EVC2: variants seen among roughly 807,000 people sequenced by gnomAD.
EVC2 encodes limbin.
A neutral mutation model predicts 149.3 loss-of-function variants in EVC2; 148 were observed. That is an observed-to-expected ratio of 0.99 (90% CI 0.87 to 1.14). The LOEUF is 1.14. Among genes scored for constraint, EVC2 ranks in the 50% most tolerant of loss-of-function variants. The probability of loss-of-function intolerance (pLI) is 0.00; values close to 1 mark genes in which losing one functional copy is unlikely to be tolerated. For synonymous variants in EVC2, 776 were observed against 649.9 expected, an observed-to-expected ratio of 1.19 and a Z score of -2.95; for missense variants, 1,854 against 1,627.3, an observed-to-expected ratio of 1.14 and a Z score of -2.40.
chr4:5,634,073 G>A (rs1716733744), intron 10 of EVC2, among the ~76,000 whole-genome samples: 1 of 152,248 alleles, frequency 6.6e-6, no homozygotes, highest in Non-Finnish European at 1.5e-5. Context: ...GTGGATGACA[G>A]CAGGGGCCAT....
intron 1 of EVC2, among the ~76,000 whole-genome samples, chr4:5,704,080 C>G (rs971833793): frequency 5.3e-5 from 8 of 152,046 alleles, no homozygotes; most frequent in Admixed American, 2.0e-4. Flanking sequence ...GGGAAGCCAC[C>G]GTGAGCTACT....
chr4:5,553,460 G>A (rs1044006272), intron 21 of EVC2, among the ~76,000 whole-genome samples: 1 of 152,104 alleles, frequency 6.6e-6, no homozygotes, highest in African/African-American at 2.4e-5. Flanking sequence ...TTAATAGTGG[G>A]AATACATGAA....
At chr4:5,600,897 G>A (rs929312580) in intron 16 of EVC2, among the ~76,000 whole-genome samples, 2 of 152,184 alleles carry the variant, frequency 1.3e-5, no homozygotes, top group African/African-American at 4.8e-5. Flanking sequence ...AAAAGTCTCT[G>A]AATTTAGGGA....
chr4:5,597,160 CT>C (rs1190686326), intron 16 of EVC2, among the ~76,000 whole-genome samples: 2 of 152,154 alleles, frequency 1.3e-5, no homozygotes, highest in East Asian at 1.9e-4. Context: ...GGTACCATTC[CT>C]TTCTGAAACT....
chr4:5,689,103 T>A, intron 5 of EVC2, 54 bp downstream of exon 5: 1 of 1,592,622 alleles, frequency 6.3e-7, no homozygotes, highest in African/African-American at 1.3e-5. Flanking sequence ...CACCTGGAAG[T>A]ATCTGTACAT....
In EVC2 at chr4:5,639,244, G is replaced by A. The variant is rs1183562384; in HGVS notation, c.1470+1270C>T. Among the ~76,000 whole-genome samples, 4 of 152,210 alleles carry A rather than the reference G, an allele frequency of 2.6e-5. No homozygotes were observed. In the South Asian group the frequency reaches 6.2e-4, roughly 24 times the overall value. ...GAGTTCAGAAGCTTGTTCTTAAGTAGTTGGAAGCCCTCCCTAGGGGAGTAG... is the reference window on the plus strand; with the variant it reads ...GAGTTCAGAAGCTTGTTCTTAAGTAATTGGAAGCCCTCCCTAGGGGAGTAG... On this transcript the variant is annotated intron_variant, in intron 10 of 21. Coordinates refer to ENST00000344408, the MANE Select transcript of EVC2 (RefSeq NM_147127.5).
intron 3 of EVC2, among the ~76,000 whole-genome samples, chr4:5,691,581 C>A (rs1460994416): frequency 6.6e-6 from 1 of 152,218 alleles, no homozygotes; most frequent in African/African-American, 2.4e-5. Context: ...GTGTGGGACA[C>A]CTGTTGTCAC....
chr4:5,685,849 G>C (rs1319418356), intron 5 of EVC2, among the ~76,000 whole-genome samples: 5 of 152,174 alleles, frequency 3.3e-5, no homozygotes, highest in Admixed American at 1.3e-4. Flanking sequence ...TCCTGCTCGG[G>C]AGAGGCTGTA....
rs1303798110 is a variant in EVC2, at chr4:5,613,454, C to T, written c.2829+1968G>A. On this transcript the variant is annotated intron_variant, in intron 16 of 21. Transcript: ENST00000344408. This position sits in a 1 kb window ranked among gnomAD's most constrained non-coding sequence, Gnocchi z 4.6. ...CTCAGGGAAATGCTCCCTCTACCCC[C>T]GAGTATGGCTACTTCCTCCCTGTGC... 2.6e-5 allele frequency among the ~76,000 whole-genome samples: 4 copies of T among 152,202 alleles called. No homozygotes were observed. Among genetic ancestry groups the T allele is most frequent in the Admixed American group, 6.5e-5 (1 of 15,282 alleles).
intron 16 of EVC2, among the ~76,000 whole-genome samples, chr4:5,608,832 T>C (rs1714602972): frequency 6.6e-6 from 1 of 152,154 alleles, no homozygotes; most frequent in South Asian, 2.1e-4. Context: ...GGTGCCAGCC[T>C]GGAAGAGATG....
chr4:5,544,031 C>A (rs1174764589), intron 21 of EVC2, among the ~76,000 whole-genome samples: 1 of 152,162 alleles, frequency 6.6e-6, no homozygotes, highest in South Asian at 2.1e-4. Context: ...AAATTGTGCA[C>A]CTCCAGGTGC....
intron 9 of EVC2, among the ~76,000 whole-genome samples, chr4:5,651,626 C>A (rs1301526110): frequency 6.6e-6 from 1 of 152,202 alleles, no homozygotes; most frequent in African/African-American, 2.4e-5. Flanking sequence ...TAGGAAAGAA[C>A]TGTAGCATGG....
At chr4:5,683,103 A>G (rs867868815) in intron 6 of EVC2, among the ~76,000 whole-genome samples, 4 of 152,256 alleles carry the variant, frequency 2.6e-5, no homozygotes, top group African/African-American at 9.6e-5. Flanking sequence ...GGCTTCAGCG[A>G]AAATCAAAAT....
At position 5,697,042 on chromosome 4, in the gene EVC2, C is replaced by G. The variant is rs996522630; in HGVS notation, c.283+551G>C. ...AGAAGGCCAAGTAACTACTGAGGCA[C>G]GATGCCATGCTGCTAGCTTCCAAAA... On this transcript the variant is annotated intron_variant, in intron 2 of 21. Coordinates refer to ENST00000344408, the MANE Select transcript of EVC2 (RefSeq NM_147127.5). Among the ~76,000 whole-genome samples the G allele has an allele frequency of 2.0e-5, 3 of 152,150 alleles. 1 individual carries two copies. The highest frequency in any genetic ancestry group is 4.4e-5 in the Non-Finnish European group (3 of 68,030).
rs192636633 is a variant in EVC2 at position 5,574,169 on chromosome 4, C to T, written c.3360+516G>A. Among the ~76,000 whole-genome samples the T allele has an allele frequency of 5.2e-3, 786 of 152,346 alleles. 7 individuals are homozygous for T. Among genetic ancestry groups the T allele is most frequent in the African/African-American group, 0.018 (742 of 41,576 alleles). On this transcript the variant is annotated intron_variant, in intron 19 of 21. Coordinates refer to ENST00000344408, the MANE Select transcript of EVC2 (RefSeq NM_147127.5). ...CCCATCGCAGGATGCGTATAAAACC[C>T]GATCGGTAGCAGACAGTCAGGTACA...
At chr4:5,593,351 A>G (rs1374174178) in intron 16 of EVC2, among the ~76,000 whole-genome samples, 1 of 152,058 alleles carries the variant, frequency 6.6e-6, no homozygotes, top group Non-Finnish European at 1.5e-5. Flanking sequence ...TCCTGCTCTA[A>G]AGCTTTTCAA....
intron 19 of EVC2, among the ~76,000 whole-genome samples, chr4:5,570,193 G>A (rs1351197520): frequency 6.6e-6 from 1 of 152,186 alleles, no homozygotes; most frequent in Non-Finnish European, 1.5e-5. Flanking sequence ...TCTGTCCCCA[G>A]CACTTAACCC....
rs1283571899 is a variant in EVC2 at position 5,637,066 on chromosome 4, G to A, written c.1470+3448C>T. Among the ~76,000 whole-genome samples, 1 of 152,172 alleles carries A rather than the reference G, an allele frequency of 6.6e-6. No homozygotes were observed. Among genetic ancestry groups the A allele is most frequent in the Admixed American group, 6.5e-5 (1 of 15,284 alleles). ...CTTGCAAGGTGGTGTGGGTGGGAGA[G>A]ACAGGCTGCAGAAAAGCCCTGGAGA... On this transcript the variant is annotated intron_variant, in intron 10 of 21. Transcript: ENST00000344408. The surrounding 1 kb of genome is among the most constrained non-coding windows in gnomAD (Gnocchi z 4.4).
intron 19 of EVC2, among the ~76,000 whole-genome samples, chr4:5,573,954 T>C (rs773157152): frequency 1.3e-5 from 2 of 152,230 alleles, no homozygotes; most frequent in East Asian, 1.9e-4. Flanking sequence ...TGGCAGTTCT[T>C]TGACCTCTTC....
Sources: allele counts gnomAD v4.1 joint callset (sites outside exome capture counted in the v4.1 genomes callset), GRCh38; gene constraint gnomAD v4.1.1; non-coding constraint Gnocchi (gnomAD v3.1); transcripts MANE v1.5; gene names NCBI Gene and HGNC (gene_info 2026-07-23, HGNC 2026-07-21).